The following ATF3 variants were observed in gnomAD, a reference collection of about 807,000 sequenced individuals.
ATF3 encodes activating transcription factor 3.
ATF3 carries 10 observed loss-of-function variants against 18.4 expected under a neutral mutation model. The ratio of observed to expected loss-of-function variants is 0.54; its 90% CI spans 0.34 to 0.92. The LOEUF (loss-of-function observed/expected upper bound fraction) is 0.92, where lower values mean the gene tolerates loss of function less well. ATF3 is among the 40% of genes least tolerant of loss of function. The probability of loss-of-function intolerance (pLI) is 0.02; values close to 1 mark genes in which losing one functional copy is unlikely to be tolerated. For synonymous variants in ATF3, 78 were observed against 87.9 expected (o/e 0.89, Z 0.63); for missense variants, 183 against 222.3 (o/e 0.82, Z 1.12).
At chr1:212,578,794 C>G (rs1313310287) in intron 1 of ATF3, among the ~76,000 whole-genome samples, 1 of 152,060 alleles carries the variant, frequency 6.6e-6, no homozygotes, top group Non-Finnish European at 1.5e-5. Context: ...TCCTTCTTCT[C>G]CACTATTGCA....
chr1:212,619,099 C>T lies in ATF3; in HGVS notation c.349-259C>T. ...CCTGCATATGGGCTGTTGACTCATG[C>T]AAATGAGGTATCTGAACTGCAGCTT... On this transcript the variant is annotated intron_variant, in intron 3 of 3. Transcript: ENST00000341491. The surrounding 1 kb of genome is among the most constrained non-coding windows in gnomAD (Gnocchi z 4.4). 6.2e-6 allele frequency: 10 copies of T among 1,614,174 alleles called. No individual in the cohort carries two copies. Among genetic ancestry groups the T allele is most frequent in the Non-Finnish European group, 8.5e-6 (10 of 1,180,034 alleles).
chr1:212,619,523 C>A lies in ATF3; in HGVS notation c.514C>A (p.Gln172Lys), dbSNP rs1230734695. ...AGAAGATGAGAGAAACCTCTTTATCCAACAGATAAAAGAAGGAACATTGCA... is the reference window on the plus strand; with the variant it reads ...AGAAGATGAGAGAAACCTCTTTATCAAACAGATAAAAGAAGGAACATTGCA... ...TPEDERNLFI[Q>K]QIKEGTLQS The change falls in exon 4 of 4, where the codon CAA (glutamine) becomes AAA (lysine). Residue 172 changes from glutamine (Q) to lysine (K), a missense_variant. Physicochemically the swap from Gln to Lys is moderately conservative, Grantham distance 53 (BLOSUM62 1). Coordinates refer to ENST00000341491, the MANE Select transcript of ATF3 (RefSeq NM_001674.4). This position sits in a 1 kb window ranked among gnomAD's most constrained non-coding sequence, Gnocchi z 4.4. 2.5e-6 allele frequency: 4 copies of A among 1,614,030 alleles called. No individual in the cohort carries two copies. The highest frequency in any genetic ancestry group is 1.1e-5 in the South Asian group (1 of 91,080).
chr1:212,601,090 A>G (rs1284182826), intron 1 of ATF3, among the ~76,000 whole-genome samples: 12 of 152,142 alleles, frequency 7.9e-5, no homozygotes, highest in Admixed American at 7.9e-4. Flanking sequence ...GCATAAACTC[A>G]CTGGAGTGAC....
intron 1 of ATF3, among the ~76,000 whole-genome samples, chr1:212,582,781 G>A (rs1259880170): frequency 6.6e-6 from 1 of 152,168 alleles, no homozygotes; most frequent in Non-Finnish European, 1.5e-5. Context: ...TTAGGAGAAA[G>A]GAGGGGAAAG....
At chr1:212,593,743 TAAA>T (rs58956572) in intron 1 of ATF3, among the ~76,000 whole-genome samples, 20,260 of 115,114 alleles carry the variant, frequency 0.18, 2,018 homozygotes, top group East Asian at 0.45. Context: ...CCTGTCTCTT[TAAA>T]AAAAAAAAAA....
chr1:212,586,419 G>A (rs1288086556), intron 1 of ATF3, among the ~76,000 whole-genome samples: 2 of 152,208 alleles, frequency 1.3e-5, no homozygotes, highest in Non-Finnish European at 2.9e-5. Context: ...GCTGCTCAAA[G>A]TGCAGAGTTA....
intron 1 of ATF3, among the ~76,000 whole-genome samples, chr1:212,568,889 G>C (rs1247858834): frequency 6.6e-6 from 1 of 152,002 alleles, no homozygotes; most frequent in Non-Finnish European, 1.5e-5. Flanking sequence ...TCCTAATTTG[G>C]GTGTGGGTGA....
intron 1 of ATF3, among the ~76,000 whole-genome samples, chr1:212,588,295 C>T (rs938484319): frequency 5.3e-5 from 8 of 152,114 alleles, no homozygotes; most frequent in Admixed American, 3.3e-4. Flanking sequence ...AGCCCTAACC[C>T]GGCATGTTTC....
In ATF3 at chr1:212,581,595, A is replaced by G. The variant is rs555744293; in HGVS notation, c.-5+16112A>G. On this transcript the variant is annotated intron_variant, in intron 1 of 3. Coordinates refer to the ATF3 transcript ENST00000366981. Reference sequence around the variant, plus strand: ...GCACTGCAATAGAAAATTATACTTTATCGTAAAATTAATGGTTTGAAGAGA... The same window carrying G: ...GCACTGCAATAGAAAATTATACTTTGTCGTAAAATTAATGGTTTGAAGAGA... Among the ~76,000 whole-genome samples the G allele has an allele frequency of 2.0e-4, 30 of 152,334 alleles. No homozygotes were observed. In the East Asian group the frequency reaches 5.2e-3, roughly 26 times the overall value.
At chr1:212,615,911 T>C (rs1238800288) in intron 2 of ATF3, among the ~76,000 whole-genome samples, 1 of 150,994 alleles carries the variant, frequency 6.6e-6, no homozygotes, top group Non-Finnish European at 1.5e-5. Context: ...TGCTTCAGCC[T>C]CCCAAAACAC....
chr1:212,617,296 C>G (rs1438548559), intron 2 of ATF3, among the ~76,000 whole-genome samples: 1 of 152,218 alleles, frequency 6.6e-6, no homozygotes, highest in Non-Finnish European at 1.5e-5. Context: ...GCTTGGCAAC[C>G]TTGGGTAAGA....
At chr1:212,606,191 G>A (rs1654619323), upstream of ATF3, among the ~76,000 whole-genome samples, 1 of 152,200 alleles carries the variant, frequency 6.6e-6, no homozygotes, top group Admixed American at 6.5e-5. Context: ...GGCATTTCAC[G>A]GTTCTCCTGG....
intron 1 of ATF3, among the ~76,000 whole-genome samples, chr1:212,598,837 C>T (rs1654396994): frequency 6.6e-6 from 1 of 152,136 alleles, no homozygotes; most frequent in African/African-American, 2.4e-5. Context: ...GTATAAGTAC[C>T]ACATTTTCTC....
upstream of ATF3, among the ~76,000 whole-genome samples, chr1:212,604,600 G>T (rs1175864421): frequency 6.6e-6 from 1 of 152,178 alleles, no homozygotes; most frequent in African/African-American, 2.4e-5. Context: ...GGGGAAGAAA[G>T]GTTGCAGAAA....
At chr1:212,568,924 A>T (rs927448319) in intron 1 of ATF3, among the ~76,000 whole-genome samples, 2 of 152,188 alleles carry the variant, frequency 1.3e-5, no homozygotes, top group African/African-American at 4.8e-5. Flanking sequence ...ATCTCAAGTA[A>T]AAAGGCTCCT....
rs1311341693 is a variant in ATF3 at position 212,593,032 on chromosome 1, A to G, written c.-4-21986A>G. ...CTATTCACAATAGCAAAGACTTGGAACCAACCCAAATGTCCAACAGTGATA... is the reference window on the plus strand; with the variant it reads ...CTATTCACAATAGCAAAGACTTGGAGCCAACCCAAATGTCCAACAGTGATA... On this transcript the variant is annotated intron_variant, in intron 1 of 3. Transcript: ENST00000366981. 2.6e-5 allele frequency among the ~76,000 whole-genome samples: 4 copies of G among 151,020 alleles called. No individual in the cohort carries two copies. In the East Asian group the frequency reaches 7.7e-4, roughly 29 times the overall value.
intron 1 of ATF3, among the ~76,000 whole-genome samples, chr1:212,611,243 T>C (rs780226355): frequency 2.0e-5 from 3 of 152,138 alleles, no homozygotes; most frequent in Non-Finnish European, 4.4e-5. Flanking sequence ...GAACTTGGGG[T>C]CAATGAGAGT....
chr1:212,577,894 CAGAT>C (rs1302829922), intron 1 of ATF3, among the ~76,000 whole-genome samples: 1 of 152,192 alleles, frequency 6.6e-6, no homozygotes, highest in Non-Finnish European at 1.5e-5. Flanking sequence ...ACCTGAAGTG[CAGAT>C]ATCTCTTTGA....
At chr1:212,583,888 A>G (rs80161205) in intron 1 of ATF3, among the ~76,000 whole-genome samples, 104 of 152,328 alleles carry the variant, frequency 6.8e-4, no homozygotes, top group African/African-American at 2.2e-3. Context: ...GATTAGAAAT[A>G]CATAGACTGA....
Sources: allele counts gnomAD v4.1 joint callset (sites outside exome capture counted in the v4.1 genomes callset), GRCh38; gene constraint gnomAD v4.1.1; non-coding constraint Gnocchi (gnomAD v3.1); transcripts MANE v1.5; gene names NCBI Gene and HGNC (gene_info 2026-07-23, HGNC 2026-07-21).